The following GOLM1 variants were observed in gnomAD, a reference collection of about 807,000 sequenced individuals.
The protein encoded by GOLM1 is epididymis luminal protein 46.
GOLM1 carries 31 observed loss-of-function variants against 50.5 expected under a neutral mutation model. That is an observed-to-expected ratio of 0.61 (90% CI 0.46 to 0.83). The LOEUF is 0.83. Among genes scored for constraint, GOLM1 ranks in the 40% least tolerant of loss-of-function variants. The pLI is 0.00. For missense variants in GOLM1, 491 were observed against 501.3 expected (o/e 0.98, Z 0.20); for synonymous variants, 178 against 192.8 (o/e 0.92, Z 0.64).
intron 3 of GOLM1, among the ~76,000 whole-genome samples, chr9:86,054,416 G>A (rs149425499): frequency 0.017 from 2,536 of 152,152 alleles, 43 homozygotes; most frequent in African/African-American, 0.045. Context: ...TAGAGATGGG[G>A]TTTCACCATG....
At chr9:86,044,546 G>A (rs1309061690) in intron 5 of GOLM1, among the ~76,000 whole-genome samples, 1 of 152,192 alleles carries the variant, frequency 6.6e-6, no homozygotes, top group East Asian at 1.9e-4. Context: ...AACTACAGAT[G>A]AGCCTTTTAG....
chr9:86,043,806 T>C (rs559613230), intron 5 of GOLM1, among the ~76,000 whole-genome samples: 1 of 152,166 alleles, frequency 6.6e-6, no homozygotes, highest in Non-Finnish European at 1.5e-5. Flanking sequence ...CTTTCCTACA[T>C]GGGGAGCAGA....
intron 9 of GOLM1, among the ~76,000 whole-genome samples, chr9:86,032,121 T>C (rs945611599): frequency 1.3e-5 from 2 of 151,982 alleles, no homozygotes; most frequent in Non-Finnish European, 2.9e-5. Flanking sequence ...GACTCTATAA[T>C]CAGCAGTATT....
At position 86,099,393 on chromosome 9, in the gene GOLM1, C is replaced by G. The variant is rs887643837; in HGVS notation, c.-22+18G>C. On this transcript the variant is annotated intron_variant, in intron 1 of 9. Coordinates refer to ENST00000388712, the MANE Select transcript of GOLM1 (RefSeq NM_016548.4). The stretch of plus-strand genomic sequence containing the variant: ...GACCGCGGTTCGGGCAGCCTGGGGC[C>G]GCGCGCCGCCCACTCACCTCTTTTC... 6 of 151,922 alleles carry G rather than the reference C, an allele frequency of 3.9e-5. No individual in the cohort carries two copies. Among genetic ancestry groups the G allele is most frequent in the African/African-American group, 1.4e-4 (6 of 41,424 alleles). 9.4% of individuals were successfully genotyped at this position (151,922 alleles called of 1,614,324 possible). A position where few individuals can be genotyped will look rare whatever the true frequency, so the allele number is the denominator to read the frequency against.
chr9:86,033,594 TC>T (rs1833048544), intron 8 of GOLM1, among the ~76,000 whole-genome samples, 199 bp from the exon 9 acceptor site: 1 of 152,190 alleles, frequency 6.6e-6, no homozygotes, highest in African/African-American at 2.4e-5. Context: ...GGACTCGGAA[TC>T]TACAGACAGC....
chr9:86,028,398 C>G (rs1832854051), intron 9 of GOLM1, among the ~76,000 whole-genome samples: 1 of 152,240 alleles, frequency 6.6e-6, no homozygotes, highest in Non-Finnish European at 1.5e-5. Context: ...GAGATCCCGG[C>G]TGCTGAGCAG....
chr9:86,077,776 GTC>G, intron 2 of GOLM1, 185 bp from the exon 3 acceptor site: 1 of 564,968 alleles, frequency 1.8e-6, no homozygotes, highest in Non-Finnish European at 3.2e-6. Flanking sequence ...GGAAAAAATG[GTC>G]TCTGTCAGTG....
chr9:86,084,388 A>G (rs1206129163), intron 1 of GOLM1, among the ~76,000 whole-genome samples: 1 of 152,158 alleles, frequency 6.6e-6, no homozygotes, highest in East Asian at 1.9e-4. Flanking sequence ...TCGACATCAC[A>G]TACCCCCTGA....
chr9:86,063,511 G>A (rs1166758563), intron 3 of GOLM1, among the ~76,000 whole-genome samples: 5 of 152,178 alleles, frequency 3.3e-5, no homozygotes, highest in South Asian at 4.1e-4. Context: ...AGGTTACAGC[G>A]TCACAGTCAA....
At chr9:86,064,720 C>T (rs529404699) in intron 3 of GOLM1, among the ~76,000 whole-genome samples, 13 of 152,310 alleles carry the variant, frequency 8.5e-5, no homozygotes, top group South Asian at 6.2e-4. Flanking sequence ...ACACTCTGCT[C>T]GGGCCCAGCC....
intron 7 of GOLM1, 135 bp downstream of exon 7, chr9:86,036,213 G>A (rs1266346644): frequency 3.5e-6 from 3 of 845,112 alleles, no homozygotes; most frequent in South Asian, 2.8e-5. Flanking sequence ...AATTCCAGGG[G>A]CCCAGAGAGA....
chr9:86,090,561 C>T (rs147746663), intron 1 of GOLM1, among the ~76,000 whole-genome samples: 139 of 152,266 alleles, frequency 9.1e-4, no homozygotes, highest in African/African-American at 3.3e-3. Context: ...CTACTCCAGC[C>T]TCAGCAATGG....
At chr9:86,040,704 C>A in intron 6 of GOLM1, 35 bp downstream of exon 6, 1 of 1,596,686 alleles carries the variant, frequency 6.3e-7, no homozygotes, top group Non-Finnish European at 8.5e-7. Context: ...ATAGGGGTAC[C>A]TTCTAGAAAC....
intron 3 of GOLM1, among the ~76,000 whole-genome samples, chr9:86,053,442 T>TCGCACCAC (rs1564347216): frequency 3.0e-4 from 4 of 13,556 alleles, no homozygotes; most frequent in South Asian, 1.7e-3. Context: ...CCACACACCA[T>TCGCACCAC]TCCATACCAA....
chr9:86,068,085 C>T lies in GOLM1; in HGVS notation c.309+9327G>A, dbSNP rs367792933. Among the ~76,000 whole-genome samples the T allele has an allele frequency of 5.9e-5, 9 of 151,910 alleles. No homozygotes were observed. In the East Asian group the frequency reaches 1.5e-3, roughly 26 times the overall value. ...AGATGTACTTAAATTAAAATGAGGT[C>T]GCTAGGTGGGCCCTATCCAATATGA... On this transcript the variant is annotated intron_variant, in intron 3 of 9. Transcript: ENST00000388712.
rs537267187 is a variant in GOLM1 at position 86,048,539 on chromosome 9, T to C, written c.365-1967A>G. ...TCCACATCCTCTCCAGCACCTGTTG[T>C]TTCCTGACTTTTTAATGATCGTCAT... On this transcript the variant is annotated intron_variant, in intron 4 of 9. Transcript: ENST00000388712. Among the ~76,000 whole-genome samples, 125 of 152,302 alleles carry C rather than the reference T, an allele frequency of 8.2e-4. 1 individual carries two copies. Among genetic ancestry groups the C allele is most frequent in the African/African-American group, 2.6e-3 (110 of 41,564 alleles).
intron 3 of GOLM1, among the ~76,000 whole-genome samples, chr9:86,068,071 A>C (rs1019812005): frequency 6.6e-6 from 1 of 152,182 alleles, no homozygotes; most frequent in African/African-American, 2.4e-5. Flanking sequence ...GATGTACTTA[A>C]ATTAAAATGA....
Position 86,079,272 on chromosome 9 carries a change from C to T in GOLM1, c.49G>A (p.Val17Met), listed in dbSNP as rs764783835. Reference protein sequence around the residue: ...GRRSMKSPPLVLAALVACIIV... With the variant: ...GRRSMKSPPLMLAALVACIIV... Reference sequence around the variant, plus strand: ...ATGCAGGCCACCAGGGCGGCCAGCACGAGGGGCGGCGACTTCATGCTGCGA... The same window carrying T: ...ATGCAGGCCACCAGGGCGGCCAGCATGAGGGGCGGCGACTTCATGCTGCGA... Residue 17 changes from valine (V) to methionine (M), a missense_variant, in exon 2 of 10, where the codon GTG (valine) becomes ATG (methionine). Physicochemically the swap from Val to Met is conservative, Grantham distance 21. Transcript: ENST00000388712. 1.2e-5 allele frequency: 19 copies of T among 1,609,644 alleles called. No homozygotes were observed. The highest frequency in any genetic ancestry group is 3.3e-5 in the South Asian group (3 of 90,866).
intron 1 of GOLM1, among the ~76,000 whole-genome samples, chr9:86,099,127 G>A (rs1835447565): frequency 6.6e-6 from 1 of 152,194 alleles, no homozygotes; most frequent in Non-Finnish European, 1.5e-5. Flanking sequence ...AGACTGCAGG[G>A]CAGGGAATCC....
Sources: gnomAD v4.1 joint callset for allele counts (sites outside exome capture counted in the v4.1 genomes callset) on GRCh38, gnomAD v4.1.1 for gene constraint, MANE v1.5 for transcripts, NCBI Gene and HGNC (gene_info 2026-07-23, HGNC 2026-07-21) for gene names.